The following TP53BP1 variants were observed in gnomAD, a reference collection of about 807,000 sequenced individuals.
TP53BP1 encodes the protein TP53-binding protein 1.
TP53BP1 carries 61 observed loss-of-function variants against 200.8 expected under a neutral mutation model. The ratio of observed to expected loss-of-function variants is 0.30; its 90% CI spans 0.25 to 0.38. The LOEUF (loss-of-function observed/expected upper bound fraction) is 0.38, where lower values mean the gene tolerates loss of function less well. Ranked by LOEUF, TP53BP1 falls within the 10% of genes least tolerant of loss-of-function variation. TP53BP1 has a pLI of 1.00. For synonymous variants in TP53BP1, 822 were observed against 844.3 expected, an observed-to-expected ratio of 0.97 and a Z score of 0.46; for missense variants, 2,144 against 2,371.9, an observed-to-expected ratio of 0.90 and a Z score of 2.00.
intron 10 of TP53BP1, among the ~76,000 whole-genome samples, chr15:43,473,042 C>T (rs1476140826): frequency 2.6e-5 from 4 of 152,006 alleles, no homozygotes; most frequent in Non-Finnish European, 5.9e-5. Context: ...TGCAGACCTT[C>T]GCGGTGAGTA....
At chr15:43,460,763 T>C (rs973691973) in intron 11 of TP53BP1, among the ~76,000 whole-genome samples, 3 of 152,042 alleles carry the variant, frequency 2.0e-5, no homozygotes, top group Admixed American at 2.0e-4. Flanking sequence ...TGGCTCTAAC[T>C]TATAATCCCA....
intron 7 of TP53BP1, among the ~76,000 whole-genome samples, chr15:43,478,555 T>C (rs1275564936): frequency 2.0e-5 from 3 of 152,206 alleles, no homozygotes. Context: ...TCTGCCATAT[T>C]CAAACTTCAC....
chr15:43,435,771 C>A (rs1166819369), intron 16 of TP53BP1, among the ~76,000 whole-genome samples: 1 of 152,094 alleles, frequency 6.6e-6, no homozygotes, highest in Non-Finnish European at 1.5e-5. Context: ...TCTTGGCTCA[C>A]TGCAACCTCC....
At chr15:43,414,140 A>G in intron 23 of TP53BP1, 1 of 470,538 alleles carries the variant, frequency 2.1e-6, no homozygotes, top group South Asian at 1.6e-5. Context: ...AGGAGCAAGA[A>G]AACAGTCTCA....
At chr15:43,483,575 G>A (rs574170198) in intron 4 of TP53BP1, among the ~76,000 whole-genome samples, 4 of 152,234 alleles carry the variant, frequency 2.6e-5, no homozygotes, top group African/African-American at 4.8e-5. Flanking sequence ...AGCATTAAGC[G>A]TAACTGTAAT....
intron 1 of TP53BP1, among the ~76,000 whole-genome samples, chr15:43,509,073 C>A (rs1483486649): frequency 6.6e-6 from 1 of 151,896 alleles, no homozygotes. Context: ...TGGAAACTGT[C>A]CCTTTCTCCC....
chr15:43,420,241 C>G, intron 21 of TP53BP1, 64 bp downstream of exon 21: 1 of 1,452,960 alleles, frequency 6.9e-7, no homozygotes, highest in Non-Finnish European at 9.5e-7. Flanking sequence ...TAACTACTAA[C>G]ATAACAGAGT....
At chr15:43,468,047 A>G (rs2046633435) in intron 11 of TP53BP1, among the ~76,000 whole-genome samples, 1 of 151,710 alleles carries the variant, frequency 6.6e-6, no homozygotes, top group Non-Finnish European at 1.5e-5. Flanking sequence ...GGCCTCCCAA[A>G]GTGCTGGGAT....
intron 18 of TP53BP1, among the ~76,000 whole-genome samples, chr15:43,425,579 C>A (rs1393853432): frequency 6.6e-6 from 1 of 152,182 alleles, no homozygotes; most frequent in Non-Finnish European, 1.5e-5. Context: ...GTGATCATAC[C>A]ACTGCACTCC....
At chr15:43,466,214 T>C (rs1405597356) in intron 11 of TP53BP1, among the ~76,000 whole-genome samples, 4 of 152,004 alleles carry the variant, frequency 2.6e-5, no homozygotes, top group South Asian at 4.2e-4. Flanking sequence ...TGAACGGAGG[T>C]TAACAGTTAT....
At chr15:43,413,370 C>T (rs779512921) in intron 23 of TP53BP1, 36 bp from the exon 24 acceptor site, 1 of 1,571,778 alleles carries the variant, frequency 6.4e-7, no homozygotes, top group Non-Finnish European at 8.7e-7. Context: ...TAGAGGGATA[C>T]ACACCATTGC....
At chr15:43,475,823 G>T in intron 8 of TP53BP1, 129 bp from the exon 9 acceptor site, 1 of 1,163,484 alleles carries the variant, frequency 8.6e-7, no homozygotes. Context: ...GGCAGAAATT[G>T]TTTTCTAATT....
intron 6 of TP53BP1, 39 bp from the exon 7 acceptor site, chr15:43,479,565 G>A (rs1189033250): frequency 6.3e-7 from 1 of 1,587,834 alleles, no homozygotes; most frequent in East Asian, 2.2e-5. Flanking sequence ...AGATAATTAA[G>A]TTTTCAAAAT....
intron 13 of TP53BP1, chr15:43,447,045 T>C: frequency 2.1e-6 from 1 of 478,586 alleles, no homozygotes; most frequent in Non-Finnish European, 4.1e-6. Flanking sequence ...TACTTCTACC[T>C]TACTTCCTGT....
At chr15:43,422,950 T>C (rs2045439933) in intron 18 of TP53BP1, among the ~76,000 whole-genome samples, 1 of 151,658 alleles carries the variant, frequency 6.6e-6, no homozygotes, top group African/African-American at 2.4e-5. Flanking sequence ...GCCGGGATCA[T>C]GCCACTGTAC....
At chr15:43,493,291 C>A, upstream of TP53BP1, 2 of 1,300,038 alleles carry the variant, frequency 1.5e-6, no homozygotes, top group Non-Finnish European at 2.0e-6. Flanking sequence ...CACGGCGGCG[C>A]GTTTCCATGG....
chr15:43,432,144 C>T, intron 17 of TP53BP1, 50 bp downstream of exon 17: 1 of 1,560,802 alleles, frequency 6.4e-7, no homozygotes, highest in Non-Finnish European at 8.7e-7. Flanking sequence ...CTCTGAGAAT[C>T]CTGAAAGTTA....
rs1280526222 is a variant in TP53BP1 at position 43,416,248 on chromosome 15, G to T, written c.4850C>A (p.Thr1617Lys). ...ACCTAAGCTGATATCTGCTGCCTTT[G>T]TAAGAGGTGTTACTGCTTCATAGGG... ...LGPYEAVTPL[T>K]KAADISLDNL... Residue 1617 changes from threonine to lysine, a missense_variant, in exon 22 of 28, where the codon ACA becomes AAA. Around this residue, in one of 4 missense-constraint regions of TP53BP1, gnomAD observed 334 missense variants for 453.4 expected, o/e 0.74. Transcript: ENST00000382044. The T allele has an allele frequency of 6.2e-7, 1 of 1,613,950 alleles. No homozygotes were observed.
chr15:43,478,698 A>G (rs572900139), intron 7 of TP53BP1, among the ~76,000 whole-genome samples: 4 of 152,198 alleles, frequency 2.6e-5, no homozygotes, highest in Non-Finnish European at 4.4e-5. Flanking sequence ...ATACCATAAA[A>G]TACCAGATGC....
Sources: allele counts gnomAD v4.1 joint callset (sites outside exome capture counted in the v4.1 genomes callset), GRCh38; gene constraint gnomAD v4.1.1; regional missense constraint gnomAD v4.1.1; transcripts MANE v1.5; gene names NCBI Gene and HGNC (gene_info 2026-07-23, HGNC 2026-07-21).